The following SPIRE1 variants were observed in gnomAD, a reference collection of about 807,000 sequenced individuals.
SPIRE1 encodes the protein spire type actin nucleation factor 1.
Under a neutral mutation model 94.1 loss-of-function variants are expected in SPIRE1, and 40 were observed. That is an observed-to-expected ratio of 0.43 (90% CI 0.33 to 0.55). The LOEUF (loss-of-function observed/expected upper bound fraction) is 0.55. Among genes scored for constraint, SPIRE1 ranks in the 20% least tolerant of loss-of-function variants. The pLI is 0.06. For missense variants in SPIRE1, 838 were observed against 975.2 expected (o/e 0.86, Z 1.87); for synonymous variants, 376 against 371.7 (o/e 1.01, Z -0.13).
At chr18:12,657,300 C>T (rs977438046) in intron 1 of SPIRE1, among the ~76,000 whole-genome samples, 1 of 152,202 alleles carries the variant, frequency 6.6e-6, no homozygotes, top group Non-Finnish European at 1.5e-5. Context: ...GTCCTCCGCA[C>T]AGCGGATTTG....
At chr18:12,652,303 C>T (rs1436376053) in intron 1 of SPIRE1, among the ~76,000 whole-genome samples, 1 of 152,174 alleles carries the variant, frequency 6.6e-6, no homozygotes, top group Non-Finnish European at 1.5e-5. Context: ...GTGTCTTTAA[C>T]CCCTTAATTA....
chr18:12,535,589 G>GAGC lies in SPIRE1; in HGVS notation c.613_615dup (p.Ala205dup), dbSNP rs758429414. ...GGTGCATCTGATTCAGTAGGGAGAT[G>GAGC]AGCAGCACACAACTATAGAAGGGGA... On this transcript the variant is annotated inframe_insertion, in exon 4 of 17. Coordinates refer to ENST00000409402, the MANE Select transcript of SPIRE1 (RefSeq NM_001128626.2). 1.2e-6 allele frequency: 2 copies of GAGC among 1,612,712 alleles called. No individual in the cohort carries two copies. The highest frequency in any genetic ancestry group is 1.7e-6 in the Non-Finnish European group (2 of 1,179,104).
At position 12,592,096 on chromosome 18, in the gene SPIRE1, A is replaced by C. The variant is rs528344815; in HGVS notation, c.372+42966T>G. 2.3e-3 allele frequency among the ~76,000 whole-genome samples: 356 copies of C among 152,088 alleles called. 3 individuals carry two copies. Among genetic ancestry groups the C allele is most frequent in the South Asian group, 0.014 (69 of 4,824 alleles). ...GTATGTTGGTAGTCAATTTCAGAGG[A>C]GCAAATAATTCAGAGAAGATACCGA... On this transcript the variant is annotated intron_variant, in intron 2 of 16. Coordinates refer to ENST00000409402, the MANE Select transcript of SPIRE1 (RefSeq NM_001128626.2).
chr18:12,603,926 T>C (rs531076891), intron 2 of SPIRE1, among the ~76,000 whole-genome samples: 1 of 152,180 alleles, frequency 6.6e-6, no homozygotes, highest in East Asian at 1.9e-4. Context: ...GAAGCTTCCC[T>C]AAAAACCCAA....
At chr18:12,633,589 A>AG (rs1241833319) in intron 2 of SPIRE1, among the ~76,000 whole-genome samples, 1 of 151,834 alleles carries the variant, frequency 6.6e-6, no homozygotes, top group Non-Finnish European at 1.5e-5. Context: ...AGAAAAAAAA[A>AG]AAAGAAAGAA....
rs2032060486 is a variant in SPIRE1, at chr18:12,465,576, C to T, written c.1405-618G>A. Among the ~76,000 whole-genome samples the T allele has an allele frequency of 2.0e-5, 3 of 152,184 alleles. No homozygotes were observed. The South Asian group carries it at 6.2e-4, about 32-fold the overall frequency. On this transcript the variant is annotated intron_variant, in intron 10 of 16. Coordinates refer to ENST00000409402, the MANE Select transcript of SPIRE1 (RefSeq NM_001128626.2). Reference sequence around the variant, plus strand: ...TCAAAATGCTTAACACATTACCTGGCACACAATAAAACAGTGGTTAATATT... The same window carrying T: ...TCAAAATGCTTAACACATTACCTGGTACACAATAAAACAGTGGTTAATATT...
chr18:12,501,398 T>G (rs1229299580), intron 6 of SPIRE1, among the ~76,000 whole-genome samples: 3 of 152,172 alleles, frequency 2.0e-5, no homozygotes, highest in African/African-American at 7.2e-5. Context: ...TGTTTGTTTG[T>G]TTTTGAGACA....
At chr18:12,616,478 T>C (rs1567969393) in intron 2 of SPIRE1, among the ~76,000 whole-genome samples, 2 of 152,072 alleles carry the variant, frequency 1.3e-5, no homozygotes, top group South Asian at 4.1e-4. Context: ...TACTTGCGGG[T>C]GGGTGGAAGG....
At chr18:12,568,868 T>C (rs74824894) in intron 2 of SPIRE1, among the ~76,000 whole-genome samples, 3,883 of 147,612 alleles carry the variant, frequency 0.026, 169 homozygotes, top group African/African-American at 0.089. Flanking sequence ...TTCCAACAGA[T>C]CACTGTAGTG....
chr18:12,645,212 C>G (rs1388233600), intron 1 of SPIRE1, among the ~76,000 whole-genome samples: 1 of 152,174 alleles, frequency 6.6e-6, no homozygotes, highest in African/African-American at 2.4e-5. Flanking sequence ...GAAACTGCAT[C>G]TTCTGTAGCC....
At chr18:12,598,593 A>G (rs889691487) in intron 2 of SPIRE1, among the ~76,000 whole-genome samples, 3 of 152,164 alleles carry the variant, frequency 2.0e-5, no homozygotes, top group Non-Finnish European at 4.4e-5. Context: ...ACAGGTCCTT[A>G]CCTTTGATAT....
chr18:12,450,472 C>A, intron 16 of SPIRE1: 1 of 545,174 alleles, frequency 1.8e-6, no homozygotes, highest in Non-Finnish European at 3.0e-6. Flanking sequence ...CCCAAGAAAC[C>A]AAAGGGCAAG....
intron 2 of SPIRE1, among the ~76,000 whole-genome samples, chr18:12,618,862 G>T (rs9303773): frequency 0.56 from 84,965 of 151,748 alleles, 24,947 homozygotes; most frequent in Middle Eastern, 0.76. Context: ...TATTCCACCC[G>T]CCAGCTCTGA....
At chr18:12,450,121 T>C (rs2031159539) in intron 16 of SPIRE1, among the ~76,000 whole-genome samples, 2 of 151,288 alleles carry the variant, frequency 1.3e-5, no homozygotes, top group African/African-American at 4.9e-5. Context: ...ACGCCTGTAA[T>C]CCCAGCACTT....
chr18:12,594,253 G>C (rs8091734), intron 2 of SPIRE1, among the ~76,000 whole-genome samples: 3,083 of 152,208 alleles, frequency 0.02, 117 homozygotes, highest in African/African-American at 0.07. Context: ...AAGACTGGGA[G>C]GGGAAAGGGA....
At chr18:12,540,934 T>G (rs558516938) in intron 3 of SPIRE1, among the ~76,000 whole-genome samples, 66 of 152,340 alleles carry the variant, frequency 4.3e-4, no homozygotes, top group African/African-American at 1.5e-3. Context: ...ATCACCCCTT[T>G]GTGCAGCATA....
intron 2 of SPIRE1, among the ~76,000 whole-genome samples, chr18:12,621,394 C>T (rs2037464083): frequency 6.6e-6 from 1 of 152,160 alleles, no homozygotes; most frequent in East Asian, 1.9e-4. Flanking sequence ...AAAATGAAAA[C>T]ATATGTCCAC....
chr18:12,469,745 A>C (rs932067814), intron 10 of SPIRE1, among the ~76,000 whole-genome samples: 6 of 143,250 alleles, frequency 4.2e-5, no homozygotes, highest in Admixed American at 2.2e-4. Context: ...TATTATATAT[A>C]ATATAATTAT....
chr18:12,549,112 C>G (rs558597880), intron 2 of SPIRE1, among the ~76,000 whole-genome samples: 2 of 152,270 alleles, frequency 1.3e-5, no homozygotes, highest in East Asian at 3.9e-4. Flanking sequence ...TCACCACAGG[C>G]AGGTGCTGCT....
Sources: gnomAD v4.1 joint callset for allele counts (sites outside exome capture counted in the v4.1 genomes callset) on GRCh38, gnomAD v4.1.1 for gene constraint, MANE v1.5 for transcripts, NCBI Gene and HGNC (gene_info 2026-07-23, HGNC 2026-07-21) for gene names.